Variants in KLRG2 observed in about 807,000 individuals in gnomAD.
KLRG2 encodes killer cell lectin-like receptor subfamily G member 2.
In KLRG2, 39 loss-of-function variants were observed where a neutral mutation model predicts 35.4. That is an observed-to-expected ratio of 1.10 (90% CI 0.85 to 1.44). The LOEUF is 1.44. KLRG2 is among the 40% of genes most tolerant of loss of function. The pLI, the probability that KLRG2 is intolerant of heterozygous loss-of-function variation, is 0.00. For synonymous variants in KLRG2, 283 were observed against 265.8 expected (o/e 1.06, Z -0.63); for missense variants, 632 against 570.9 (o/e 1.11, Z -1.09).
the KLRG2 span, among the ~76,000 whole-genome samples, chr7:139,443,638 T>C: frequency 6.6e-6 from 1 of 152,082 alleles, no homozygotes; most frequent in Non-Finnish European, 1.5e-5. Flanking sequence ...CTCAGCTCAC[T>C]GCAACCTCCA....
chr7:139,468,834 G>A lies in KLRG2; in HGVS notation c.1005+10793C>T, dbSNP rs111621581. On this transcript the variant is annotated intron_variant, in intron 3 of 4. Transcript: ENST00000340940. ...AAAATGTGACCGTACTTGGAGTCAC[G>A]CTTTTAAAGAGTGATTAAACATTAA... is the stretch of plus-strand genomic sequence containing the variant. Among the ~76,000 whole-genome samples, 1,031 of 152,272 alleles carry A rather than the reference G, an allele frequency of 6.8e-3. 11 individuals carry two copies. The highest frequency in any genetic ancestry group is 0.023 in the African/African-American group (949 of 41,552).
the KLRG2 span, among the ~76,000 whole-genome samples, chr7:139,437,969 AGTGGCCT>A: frequency 4.6e-5 from 7 of 152,156 alleles, no homozygotes; most frequent in African/African-American, 1.4e-4. Context: ...GGCTCCAGCT[AGTGGCCT>A]GTTGGGGAAA....
the KLRG2 span, among the ~76,000 whole-genome samples, chr7:139,431,969 A>G: frequency 6.6e-6 from 1 of 152,136 alleles, no homozygotes; most frequent in South Asian, 2.1e-4. Context: ...TAAAACATCT[A>G]ATTTCTATTT....
downstream of KLRG2, chr7:139,448,872 G>T (rs1585158072): frequency 6.6e-6 from 1 of 152,104 alleles, no homozygotes; most frequent in African/African-American, 2.4e-5. Flanking sequence ...GCTTTGGGAG[G>T]CTGAGGCGGG....
chr7:139,433,077 T>C, the KLRG2 span, among the ~76,000 whole-genome samples: 1 of 152,226 alleles, frequency 6.6e-6, no homozygotes, highest in Non-Finnish European at 1.5e-5. Flanking sequence ...GGTTCCTCCT[T>C]GTATTTGTTT....
At chr7:139,443,710 T>C in the KLRG2 span, among the ~76,000 whole-genome samples, 273 of 152,012 alleles carry the variant, frequency 1.8e-3, no homozygotes, top group South Asian at 5.8e-3. Context: ...TACAGGTGTG[T>C]GCCACCACGC....
the KLRG2 span, among the ~76,000 whole-genome samples, chr7:139,447,402 CT>C: frequency 0.025 from 3,484 of 136,850 alleles, 112 homozygotes; most frequent in African/African-American, 0.084. Context: ...TTGGGTCATT[CT>C]TTTTTTTTTT....
chr7:139,458,667 T>C (rs1796517686), intron 3 of KLRG2, among the ~76,000 whole-genome samples: 1 of 152,224 alleles, frequency 6.6e-6, no homozygotes, highest in Admixed American at 6.5e-5. Flanking sequence ...AGGATGTAAA[T>C]GTATTCAATG....
At chr7:139,466,181 G>A (rs908323946) in intron 3 of KLRG2, among the ~76,000 whole-genome samples, 3 of 152,108 alleles carry the variant, frequency 2.0e-5, no homozygotes, top group Non-Finnish European at 4.4e-5. Context: ...TTTGCCCCCT[G>A]CCCAGGACTG....
intron 3 of KLRG2, among the ~76,000 whole-genome samples, chr7:139,468,878 G>A (rs991650388): frequency 3.9e-5 from 6 of 152,130 alleles, no homozygotes; most frequent in Non-Finnish European, 7.4e-5. Flanking sequence ...AACGCTGTTC[G>A]GGTGGCCCCT....
chr7:139,466,696 T>C (rs1796658624), intron 3 of KLRG2, among the ~76,000 whole-genome samples: 1 of 150,932 alleles, frequency 6.6e-6, no homozygotes, highest in Non-Finnish European at 1.5e-5. Flanking sequence ...GCATTTCTCT[T>C]TCCTCCAAAA....
At chr7:139,448,232 G>T (rs762090639), downstream of KLRG2, among the ~76,000 whole-genome samples, 2 of 152,042 alleles carry the variant, frequency 1.3e-5, no homozygotes, top group Non-Finnish European at 2.9e-5. Flanking sequence ...CTGGGCTCAA[G>T]CGATCCTCCT....
At chr7:139,441,789 A>G in the KLRG2 span, among the ~76,000 whole-genome samples, 1 of 152,144 alleles carries the variant, frequency 6.6e-6, no homozygotes, top group South Asian at 2.1e-4. Context: ...CTCTTGATTC[A>G]TCTATTGAAT....
chr7:139,437,386 C>T, the KLRG2 span, among the ~76,000 whole-genome samples: 1 of 141,146 alleles, frequency 7.1e-6, no homozygotes, highest in Non-Finnish European at 1.5e-5. Context: ...GATTACACTA[C>T]TGCACTCCAG....
At chr7:139,459,959 C>T (rs930268595) in intron 3 of KLRG2, among the ~76,000 whole-genome samples, 2 of 152,140 alleles carry the variant, frequency 1.3e-5, no homozygotes, top group African/African-American at 2.4e-5. Flanking sequence ...ACCATGTTGG[C>T]GAGGATGGTC....
At chr7:139,477,959 C>T (rs1345590635) in intron 3 of KLRG2, among the ~76,000 whole-genome samples, 6 of 151,796 alleles carry the variant, frequency 4.0e-5, no homozygotes, top group Non-Finnish European at 8.8e-5. Context: ...GGGGTTTCAC[C>T]GTGTTAGCCA....
At chr7:139,468,008 C>T (rs917667981) in intron 3 of KLRG2, among the ~76,000 whole-genome samples, 20 of 152,284 alleles carry the variant, frequency 1.3e-4, no homozygotes, top group African/African-American at 4.1e-4. Context: ...GTGGGACATG[C>T]GGGCAGCAAC....
At chr7:139,467,640 T>G (rs962081635) in intron 3 of KLRG2, among the ~76,000 whole-genome samples, 5 of 139,840 alleles carry the variant, frequency 3.6e-5, no homozygotes, top group Non-Finnish European at 6.2e-5. Flanking sequence ...GAAGGCAGCA[T>G]GCTCGTTAAG....
In KLRG2 at chr7:139,453,275, A is replaced by G. The variant is rs1371706933; in HGVS notation, c.*312T>C. 1.1e-5 allele frequency: 5 copies of G among 469,652 alleles called. No homozygotes were observed. Among genetic ancestry groups the G allele is most frequent in the Non-Finnish European group, 1.8e-5 (5 of 270,718 alleles). The allele number at this position is 469,652 out of a possible 1,614,324, so 29.1% of individuals were successfully genotyped here. ...AACCCTGTCTTTTTCCTCTAGGGGG[A>G]AATTGTCATTTTAATGAAACCAAGG... is the stretch of plus-strand genomic sequence containing the variant. On this transcript the variant is annotated 3_prime_UTR_variant, in exon 5 of 5. Transcript: ENST00000340940.
Sources: allele counts gnomAD v4.1 joint callset (sites outside exome capture counted in the v4.1 genomes callset), GRCh38; gene constraint gnomAD v4.1.1; transcripts MANE v1.5; gene names NCBI Gene and HGNC (gene_info 2026-07-23, HGNC 2026-07-21).